The following TPRG1 variants were observed in gnomAD, a reference collection of about 807,000 sequenced individuals.
The protein encoded by TPRG1 is tumor protein p63-regulated gene 1 protein.
TPRG1 carries 29 observed loss-of-function variants against 29.3 expected under a neutral mutation model. That is an observed-to-expected ratio of 0.99 (90% confidence interval 0.74 to 1.35). The LOEUF is 1.35. TPRG1 is among the 40% of genes most tolerant of loss of function. TPRG1 has a pLI of 0.00. For synonymous variants in TPRG1, 130 were observed against 116.8 expected, an observed-to-expected ratio of 1.11 and a Z score of -0.73; for missense variants, 327 against 335.0, an observed-to-expected ratio of 0.98 and a Z score of 0.19.
At chr3:189,290,301 T>G (rs1718780928) in intron 4 of TPRG1, among the ~76,000 whole-genome samples, 1 of 152,232 alleles carries the variant, frequency 6.6e-6, no homozygotes, top group Non-Finnish European at 1.5e-5. Context: ...GTTAATTAAC[T>G]TACATGGTTC....
intron 3 of TPRG1, among the ~76,000 whole-genome samples, chr3:189,224,884 G>C (rs1737472063): frequency 6.6e-6 from 1 of 151,284 alleles, no homozygotes; most frequent in Non-Finnish European, 1.5e-5. Context: ...ATGGGAACCA[G>C]CTCTTACCCC....
intron 1 of TPRG1, among the ~76,000 whole-genome samples, chr3:189,173,294 A>G (rs192146816): frequency 2.1e-4 from 32 of 151,260 alleles, no homozygotes; most frequent in African/African-American, 7.3e-4. Context: ...GTAATGCTAT[A>G]TAATCTTTGG....
chr3:189,147,577 C>T (rs971855231), intron 3 of TPRG1: 2 of 152,182 alleles, frequency 1.3e-5, no homozygotes, highest in African/African-American at 4.8e-5. Context: ...TTTTTCCTTT[C>T]GACTAGGATG....
At chr3:189,200,550 C>T (rs557521866) in intron 1 of TPRG1, among the ~76,000 whole-genome samples, 8 of 152,164 alleles carry the variant, frequency 5.3e-5, no homozygotes, top group Non-Finnish European at 4.4e-5. Context: ...TTTGACTACA[C>T]GCAGGCCACA....
At chr3:189,218,198 T>C (rs939148001) in intron 3 of TPRG1, among the ~76,000 whole-genome samples, 1 of 152,052 alleles carries the variant, frequency 6.6e-6, no homozygotes, top group Non-Finnish European at 1.5e-5. Context: ...CTGCAAGCTC[T>C]GCCTCCCGGG....
chr3:189,158,565 C>T (rs566823592), intron 5 of TPRG1, among the ~76,000 whole-genome samples: 14 of 151,992 alleles, frequency 9.2e-5, no homozygotes, highest in Non-Finnish European at 1.3e-4. Flanking sequence ...GCTAAGATTG[C>T]GCCACTGCAC....
intron 1 of TPRG1, among the ~76,000 whole-genome samples, chr3:189,182,250 T>G (rs1303192819): frequency 1.3e-5 from 2 of 152,244 alleles, no homozygotes; most frequent in South Asian, 2.1e-4. Context: ...CTGAAAATTT[T>G]GTATCATTAT....
intron 4 of TPRG1, among the ~76,000 whole-genome samples, chr3:189,287,619 G>A (rs1468887645): frequency 3.3e-5 from 5 of 152,038 alleles, no homozygotes; most frequent in East Asian, 1.9e-4. Context: ...GGATGGTCTC[G>A]ATCTCCTGAC....
exon 3 of TPRG1, chr3:189,004,571 C>A (rs1325982093): frequency 6.6e-6 from 1 of 152,222 alleles, no homozygotes; most frequent in Non-Finnish European, 1.5e-5. Flanking sequence ...ATGTAGAGGA[C>A]TCTGAAGGCT....
chr3:189,207,571 T>C lies in TPRG1; in HGVS notation c.187T>C (p.Ser63Pro). The C allele has an allele frequency of 6.2e-7, 1 of 1,612,082 alleles. No homozygotes were observed. Among genetic ancestry groups the C allele is most frequent in the South Asian group, 1.1e-5 (1 of 91,082 alleles). The stretch of plus-strand genomic sequence containing the variant: ...CAATCCTTATCATCAGCCTTATATC[T>C]CACGGAAGTACTTTGCTACACGGGT... ...YPNPYHQPYI[S>P]RKYFATRPGA... Residue 63 changes from serine (S) to proline (P), a missense_variant, in exon 2 of 6, where the codon TCA (serine) becomes CCA (proline). Ser to Pro is a moderately conservative substitution (Grantham distance 74). Transcript: ENST00000345063.
intron 4 of TPRG1, among the ~76,000 whole-genome samples, chr3:189,297,283 T>A (rs980969827): frequency 1.3e-5 from 2 of 152,178 alleles, no homozygotes; most frequent in Admixed American, 6.5e-5. Context: ...GCCCGGCCAC[T>A]GATAAACCCT....
At chr3:189,025,076 C>T (rs891189983) in intron 4 of TPRG1, among the ~76,000 whole-genome samples, 16 of 152,196 alleles carry the variant, frequency 1.1e-4, no homozygotes, top group Non-Finnish European at 2.1e-4. Flanking sequence ...TACCAACATC[C>T]TGCCTTGCCT....
chr3:189,203,504 C>T (rs894958311), intron 1 of TPRG1, among the ~76,000 whole-genome samples: 3 of 152,064 alleles, frequency 2.0e-5, no homozygotes, highest in African/African-American at 4.8e-5. Flanking sequence ...TTTTTGGTTT[C>T]CTGCTTTATT....
intron 4 of TPRG1, among the ~76,000 whole-genome samples, chr3:189,082,842 A>G (rs1717685073): frequency 6.6e-6 from 1 of 152,322 alleles, no homozygotes; most frequent in African/African-American, 2.4e-5. Flanking sequence ...TATCCCTGCT[A>G]CATTTACTCA....
upstream of TPRG1, among the ~76,000 whole-genome samples, chr3:189,171,177 T>A (rs1353274456): frequency 1.3e-5 from 2 of 152,254 alleles, no homozygotes; most frequent in Non-Finnish European, 2.9e-5. Context: ...CTATGTCAAA[T>A]CTTATCCTAG....
At chr3:189,085,465 G>A (rs76529429) in intron 4 of TPRG1, among the ~76,000 whole-genome samples, 1,594 of 152,232 alleles carry the variant, frequency 0.01, 13 homozygotes, top group South Asian at 0.03. Flanking sequence ...GTGTGTGTGT[G>A]TGTGTGTGTA....
chr3:189,078,008 T>TTTCC (rs773510018), intron 4 of TPRG1, among the ~76,000 whole-genome samples: 4,851 of 98,122 alleles, frequency 0.049, 422 homozygotes, highest in African/African-American at 0.11. Context: ...CTAAAAACCT[T>TTTCC]TTCCTTCCTT....
chr3:189,318,464 C>T (rs145222996), intron 5 of TPRG1, among the ~76,000 whole-genome samples: 10 of 152,166 alleles, frequency 6.6e-5, no homozygotes, highest in Admixed American at 2.0e-4. Context: ...GTTGGAGAGT[C>T]GGCACTATAG....
chr3:189,016,831 CA>C (rs1295743895), intron 3 of TPRG1, among the ~76,000 whole-genome samples: 1 of 152,154 alleles, frequency 6.6e-6, no homozygotes, highest in Non-Finnish European at 1.5e-5. Context: ...TGAGGCCCCC[CA>C]GTCATGCTTT....
Sources: gnomAD v4.1 joint callset for allele counts (sites outside exome capture counted in the v4.1 genomes callset) on GRCh38, gnomAD v4.1.1 for gene constraint, MANE v1.5 for transcripts, NCBI Gene and HGNC (gene_info 2026-07-23, HGNC 2026-07-21) for gene names.